The following AFAP1 variants were observed in gnomAD, a reference collection of about 807,000 sequenced individuals.
The protein encoded by AFAP1 is actin filament-associated protein 1.
In AFAP1, 75 loss-of-function variants were observed where a neutral mutation model predicts 93.9. The observed-to-expected ratio is 0.80, with a 90% CI of 0.66 to 0.97. The LOEUF (loss-of-function observed/expected upper bound fraction) is 0.97. Among genes scored for constraint, AFAP1 ranks in the 50% least tolerant of loss-of-function variants. The pLI is 0.00. For missense variants in AFAP1, 1,201 were observed against 1,050.8 expected (o/e 1.14, Z -1.98); for synonymous variants, 517 against 430.7 (o/e 1.20, Z -2.48).
rs1394621959 is a variant in AFAP1, at chr4:7,823,988, C to G, written c.727-4817G>C. ...CATCAGCATAAACCAGTCTTTATTC[C>G]CACAAAGTTTTTCAACCAGTCGGAG... On this transcript the variant is annotated intron_variant, in intron 6 of 17. Transcript: ENST00000420658. Among the ~76,000 whole-genome samples the G allele has an allele frequency of 4.6e-5, 7 of 152,170 alleles. No individual in the cohort carries two copies. The East Asian group carries it at 1.3e-3, about 29-fold the overall frequency.
At chr4:7,832,216 A>G (rs1158763689) in intron 6 of AFAP1, among the ~76,000 whole-genome samples, 3 of 152,150 alleles carry the variant, frequency 2.0e-5, no homozygotes, top group Non-Finnish European at 4.4e-5. Context: ...TAAGCTCGAC[A>G]GTAGAAACTT....
intron 5 of AFAP1, chr4:7,842,553 A>G (rs56870995): frequency 0.13 from 19,848 of 151,856 alleles, 1,643 homozygotes; most frequent in African/African-American, 0.23. Context: ...GGAGGAAGGG[A>G]CGCCACACCG....
chr4:7,768,821 C>A, intron 17 of AFAP1, 23 bp downstream of exon 17: 1 of 1,547,866 alleles, frequency 6.5e-7, no homozygotes, highest in Non-Finnish European at 8.8e-7. Flanking sequence ...GACACCCAGA[C>A]ACCCCCGGAC....
At chr4:7,792,857 A>G (rs185758721) in intron 11 of AFAP1, among the ~76,000 whole-genome samples, 1 of 152,374 alleles carries the variant, frequency 6.6e-6, no homozygotes, top group Non-Finnish European at 1.5e-5. Context: ...TACTATCGCA[A>G]ATGGTAAAAT....
At chr4:7,795,405 CTTTTTTTTTTTTTTTTTTTTTTTTTT>C (rs35550085) in intron 10 of AFAP1, among the ~76,000 whole-genome samples, 9 of 62,100 alleles carry the variant, frequency 1.4e-4, no homozygotes, top group East Asian at 3.7e-4. Context: ...AAAACAAAAT[CTTTTTTTTTTTTTTTTTTTTTTTTTT>C]TTTTTTTTTT....
chr4:7,897,612 C>T (rs2149213731), intron 1 of AFAP1, among the ~76,000 whole-genome samples: 2 of 152,246 alleles, frequency 1.3e-5, no homozygotes, highest in South Asian at 2.1e-4. Context: ...GCACCTCAGC[C>T]TCCCAGGTTC....
In AFAP1 at chr4:7,931,546, A is replaced by ATT. The variant is rs376570405; in HGVS notation, c.-3+8108_-3+8109dup. On this transcript the variant is annotated intron_variant, in intron 1 of 17. Coordinates refer to ENST00000420658, the MANE Select transcript of AFAP1 (RefSeq NM_001134647.2). ...ACAGGTGTGCACCACCACGCCCAGC[A>ATT]TTTTTTTTTTTTTTTGGTAGAGGTG... Among the ~76,000 whole-genome samples the ATT allele has an allele frequency of 8.3e-3, 1,145 of 138,090 alleles. 18 individuals are homozygous for ATT. The highest frequency in any genetic ancestry group is 0.027 in the African/African-American group (1,015 of 37,534). 90.6% of individuals were successfully genotyped at this position (138,090 alleles called of 152,430 possible). A position where few individuals can be genotyped will look rare whatever the true frequency, so the allele number is the denominator to read the frequency against.
chr4:7,845,516 G>A (rs1184059865), intron 4 of AFAP1, among the ~76,000 whole-genome samples: 3 of 152,188 alleles, frequency 2.0e-5, no homozygotes, highest in Non-Finnish European at 2.9e-5. Flanking sequence ...ATGGGCTGAA[G>A]AAGGGACGAG....
At chr4:7,802,503 G>A (rs1013755099) in intron 9 of AFAP1, among the ~76,000 whole-genome samples, 4 of 152,348 alleles carry the variant, frequency 2.6e-5, no homozygotes, top group Admixed American at 2.0e-4. Context: ...ACACAGCAAA[G>A]CAAGACCTGA....
intron 2 of AFAP1, among the ~76,000 whole-genome samples, chr4:7,869,671 G>C (rs1716848460): frequency 6.6e-6 from 1 of 152,120 alleles, no homozygotes; most frequent in Admixed American, 6.6e-5. Context: ...CATTTGGAAA[G>C]GCCTGTAAAA....
chr4:7,869,467 T>A (rs1716826298), intron 2 of AFAP1, among the ~76,000 whole-genome samples: 2 of 152,232 alleles, frequency 1.3e-5, no homozygotes, highest in African/African-American at 2.4e-5. Flanking sequence ...AGTCAGATAC[T>A]GTAATAGACA....
At chr4:7,888,950 C>CCATCTAT (rs1162618382) in intron 1 of AFAP1, among the ~76,000 whole-genome samples, 2 of 151,974 alleles carry the variant, frequency 1.3e-5, no homozygotes, top group Non-Finnish European at 2.9e-5. Context: ...ACCACCACCC[C>CCATCTAT]CATCTAATGT....
intron 8 of AFAP1, among the ~76,000 whole-genome samples, chr4:7,812,143 A>T (rs1720100830): frequency 6.6e-6 from 1 of 152,154 alleles, no homozygotes; most frequent in South Asian, 2.1e-4. Flanking sequence ...GGCCCCTCCC[A>T]GCTGTTTCTG....
At chr4:7,927,207 T>C (rs1441253675) in intron 1 of AFAP1, among the ~76,000 whole-genome samples, 1 of 152,190 alleles carries the variant, frequency 6.6e-6, no homozygotes, top group Non-Finnish European at 1.5e-5. Flanking sequence ...TACACAGCTC[T>C]AGCAGAGCTC....
intron 1 of AFAP1, among the ~76,000 whole-genome samples, chr4:7,918,624 A>C (rs1040826181): frequency 2.2e-5 from 3 of 133,766 alleles, no homozygotes; most frequent in African/African-American, 8.6e-5. Flanking sequence ...CCAGGTCACC[A>C]GGAAACAGGG....
intron 1 of AFAP1, among the ~76,000 whole-genome samples, chr4:7,899,757 G>A (rs1202535774): frequency 1.3e-5 from 2 of 152,030 alleles, no homozygotes; most frequent in Non-Finnish European, 2.9e-5. Context: ...GGAAGCATCA[G>A]CAGGCTTCGA....
chr4:7,786,158 C>T, intron 12 of AFAP1, 36 bp downstream of exon 12: 1 of 1,591,126 alleles, frequency 6.3e-7, no homozygotes, highest in East Asian at 2.2e-5. Flanking sequence ...CGGCCTCTAA[C>T]AAAACCAACC....
Position 7,763,807 on chromosome 4 carries a change from G to A in AFAP1, c.2419-16C>T, listed in dbSNP as rs1220162202. ...ATTCCCATTCCTAGAGGAAAGGAGA[G>A]TCTTGTAAGTGGACAGGGCAAGAGG... On this transcript the variant is annotated splice_polypyrimidine_tract_variant and intron_variant, in intron 17 of 17. Transcript: ENST00000420658. 8 of 1,551,416 alleles carry A rather than the reference G, an allele frequency of 5.2e-6. No individual in the cohort carries two copies. The highest frequency in any genetic ancestry group is 3.9e-5 in the Admixed American group (2 of 50,988).
chr4:7,824,606 C>G (rs1214824670), intron 6 of AFAP1, among the ~76,000 whole-genome samples: 1 of 152,168 alleles, frequency 6.6e-6, no homozygotes, highest in Non-Finnish European at 1.5e-5. Context: ...GCGTGTGCAA[C>G]TTCATTAAAG....
Sources: gnomAD v4.1 joint callset for allele counts (sites outside exome capture counted in the v4.1 genomes callset) on GRCh38, gnomAD v4.1.1 for gene constraint, MANE v1.5 for transcripts, NCBI Gene and HGNC (gene_info 2026-07-23, HGNC 2026-07-21) for gene names.